The following FHAD1 variants were observed in gnomAD, a reference collection of about 807,000 sequenced individuals.
FHAD1 encodes forkhead associated phosphopeptide binding domain 1.
Under a neutral mutation model 191.3 loss-of-function variants are expected in FHAD1, and 146 were observed. The ratio of observed to expected loss-of-function variants is 0.76; its 90% confidence interval spans 0.67 to 0.88. The LOEUF is 0.88. FHAD1 is among the 40% of genes least tolerant of loss of function. The pLI, the probability that FHAD1 is intolerant of heterozygous loss-of-function variation, is 0.00. For missense variants in FHAD1, 1,635 were observed against 1,785.8 expected, an observed-to-expected ratio of 0.92 and a Z score of 1.52; for synonymous variants, 616 against 672.3, an observed-to-expected ratio of 0.92 and a Z score of 1.29.
chr1:15,345,587 T>C, intron 18 of FHAD1, 64 bp downstream of exon 18: 5 of 1,303,388 alleles, frequency 3.8e-6, no homozygotes, highest in Non-Finnish European at 5.4e-6. Context: ...GGAAGGAAGT[T>C]CAGAGCGGCG....
intron 2 of FHAD1, among the ~76,000 whole-genome samples, chr1:15,266,293 G>T (rs1653452301): frequency 6.6e-6 from 1 of 151,896 alleles, no homozygotes; most frequent in African/African-American, 2.4e-5. Context: ...CATTTTTGTA[G>T]AGATAGGGTC....
chr1:15,350,132 T>TATCCACCCACCGATTTCAGTTTCATTC (rs1475563843), intron 19 of FHAD1, among the ~76,000 whole-genome samples: 1 of 152,232 alleles, frequency 6.6e-6, no homozygotes, highest in African/African-American at 2.4e-5. Flanking sequence ...AATATTCATT[T>TATCCACCCACCGATTTCAGTTTCATTC]ATCCACCCAC....
At chr1:15,328,482 G>C in intron 13 of FHAD1, 53 bp downstream of exon 13, 2 of 1,323,024 alleles carry the variant, frequency 1.5e-6, no homozygotes, top group Non-Finnish European at 9.8e-7. Context: ...ATTTTTGTGC[G>C]GCTTATTTGG....
At chr1:15,280,078 A>G (rs1660036469) in intron 3 of FHAD1, among the ~76,000 whole-genome samples, 1 of 152,136 alleles carries the variant, frequency 6.6e-6, no homozygotes, top group Non-Finnish European at 1.5e-5. Flanking sequence ...TGAGAAGGAC[A>G]CAGAGTTGGG....
chr1:15,319,159 A>G (rs1405885343), intron 10 of FHAD1, among the ~76,000 whole-genome samples: 3 of 152,206 alleles, frequency 2.0e-5, no homozygotes, highest in Non-Finnish European at 4.4e-5. Context: ...GAACAAATCT[A>G]AAAGGCAGAG....
In FHAD1 at chr1:15,296,666, G is replaced by A; in HGVS notation, c.569-18G>A. 1 of 1,548,338 alleles carries A rather than the reference G, an allele frequency of 6.5e-7. No individual in the cohort carries two copies. The highest frequency in any genetic ancestry group is 8.7e-7 in the Non-Finnish European group (1 of 1,143,594). ...ACTCATGATGTCTTTTGTGCTCTCTGCTGATCTCACGCCTTAGTGTGGACC... is the reference window on the plus strand; with the variant it reads ...ACTCATGATGTCTTTTGTGCTCTCTACTGATCTCACGCCTTAGTGTGGACC... On this transcript the variant is annotated intron_variant, in intron 4 of 33. Coordinates refer to ENST00000688493, the MANE Select transcript of FHAD1 (RefSeq NM_001391957.1).
intron 3 of FHAD1, among the ~76,000 whole-genome samples, chr1:15,288,076 AAG>A (rs151298620): frequency 2.0e-5 from 3 of 151,378 alleles, no homozygotes; most frequent in Non-Finnish European, 3.0e-5. Flanking sequence ...GAGGAGGGGA[AAG>A]AGAGAGAGAG....
At position 15,313,132 on chromosome 1, in the gene FHAD1, A is replaced by C; in HGVS notation, c.1115A>C (p.His372Pro). The change falls in exon 8 of 34, where the codon CAC (histidine) becomes CCC (proline). Residue 372 changes from histidine to proline, a missense_variant. Physicochemically the swap from His to Pro is moderately conservative, Grantham distance 77. Transcript: ENST00000688493. ...CAACAACTAAAGGAAGAGGTCAGTC[A>C]CCTAAAAAGTCAGAACAAGGACAAG... is the stretch of plus-strand genomic sequence containing the variant. ...QVQQLKEEVS[H>P]LKSQNKDKDH... is the part of the protein sequence containing the mutation. 6.4e-7 allele frequency: 1 copy of C among 1,551,926 alleles called. No individual in the cohort carries two copies. Among genetic ancestry groups the C allele is most frequent in the Non-Finnish European group, 8.7e-7 (1 of 1,147,046 alleles).
At chr1:15,274,340 G>T (rs910649886) in intron 3 of FHAD1, among the ~76,000 whole-genome samples, 2 of 152,176 alleles carry the variant, frequency 1.3e-5, no homozygotes, top group African/African-American at 4.8e-5. Context: ...AGGCATGGTG[G>T]CTCACACCTG....
At chr1:15,257,515 G>A (rs912874465) in intron 2 of FHAD1, among the ~76,000 whole-genome samples, 3 of 152,194 alleles carry the variant, frequency 2.0e-5, no homozygotes, top group Non-Finnish European at 4.4e-5. Context: ...CCATCAGGAC[G>A]CGCCCGTTCA....
At chr1:15,355,117 G>T (rs1456100264) in intron 20 of FHAD1, among the ~76,000 whole-genome samples, 1 of 151,890 alleles carries the variant, frequency 6.6e-6, no homozygotes, top group Non-Finnish European at 1.5e-5. Flanking sequence ...GCTGAGGCAG[G>T]AGAATCACTT....
At chr1:15,360,374 G>C in intron 21 of FHAD1, 104 bp from the exon 22 acceptor site, 1 of 974,682 alleles carries the variant, frequency 1.0e-6, no homozygotes, top group Non-Finnish European at 1.5e-6. Flanking sequence ...TAAGGCCCTG[G>C]GGTGGGGCCC....
chr1:15,384,849 C>T (rs903740178), intron 31 of FHAD1, among the ~76,000 whole-genome samples: 4 of 152,208 alleles, frequency 2.6e-5, no homozygotes, highest in African/African-American at 4.8e-5. Flanking sequence ...CATCAGCCTG[C>T]GAGGAGGGCT....
rs1680295339 is a variant in FHAD1 at position 15,329,352 on chromosome 1, A to C, written c.1717A>C (p.Met573Leu). ...RTSLDSCQAC[M>L]KISCCSHDLK... ...TGATCTCACCTCTTTGCAGGCTTGC[A>C]TGAAAATATCCTGTTGCAGCCATGA... The change falls in exon 14 of 34, where the codon ATG (methionine) becomes CTG (leucine). Residue 573 changes from methionine (M) to leucine (L), a missense_variant. By Grantham distance (15) the Met-to-Leu change is conservative. Coordinates refer to ENST00000688493, the MANE Select transcript of FHAD1 (RefSeq NM_001391957.1). The surrounding 1 kb of genome is among the most constrained non-coding windows in gnomAD (Gnocchi z 5.0). The C allele has an allele frequency of 1.3e-6, 2 of 1,541,114 alleles. No individual in the cohort carries two copies. Among genetic ancestry groups the C allele is most frequent in the East Asian group, 4.9e-5 (2 of 40,638 alleles).
chr1:15,360,178 A>G lies in FHAD1; in HGVS notation c.2737-300A>G, dbSNP rs567818052. 2.6e-5 allele frequency among the ~76,000 whole-genome samples: 4 copies of G among 152,352 alleles called. No homozygotes were observed. In the South Asian group the frequency reaches 8.3e-4, roughly 32 times the overall value. On this transcript the variant is annotated intron_variant, in intron 21 of 33. Coordinates refer to ENST00000688493, the MANE Select transcript of FHAD1 (RefSeq NM_001391957.1). ...CGGGGAAGAGAAACAAAGAAACAAA[A>G]TTAAAGGCTTCAGGGACAATGAAAC...
intron 24 of FHAD1, among the ~76,000 whole-genome samples, chr1:15,367,083 G>T (rs1401235286): frequency 1.3e-5 from 2 of 152,114 alleles, no homozygotes; most frequent in Non-Finnish European, 2.9e-5. Context: ...AAAGTGTGGG[G>T]TAGAGGCTAC....
intron 22 of FHAD1, 106 bp downstream of exon 22, chr1:15,360,809 G>A (rs554021103): frequency 2.0e-4 from 182 of 915,754 alleles, no homozygotes; most frequent in South Asian, 9.6e-4. Context: ...TGCCTCATTC[G>A]AAAGCTCATT....
At chr1:15,349,177 C>A (rs1689953032) in intron 19 of FHAD1, 28 bp downstream of exon 19, 1 of 1,476,250 alleles carries the variant, frequency 6.8e-7, no homozygotes, top group Non-Finnish European at 9.3e-7. Context: ...AAAGAATCCT[C>A]TGGAAGGAAC....
At chr1:15,282,786 A>G (rs1009266350) in intron 3 of FHAD1, among the ~76,000 whole-genome samples, 9 of 152,226 alleles carry the variant, frequency 5.9e-5, no homozygotes, top group African/African-American at 1.9e-4. Context: ...AGAATAGACA[A>G]GCAACAAAAC....
Sources: allele counts gnomAD v4.1 joint callset (sites outside exome capture counted in the v4.1 genomes callset), GRCh38; gene constraint gnomAD v4.1.1; non-coding constraint Gnocchi (gnomAD v3.1); transcripts MANE v1.5; gene names NCBI Gene and HGNC (gene_info 2026-07-23, HGNC 2026-07-21).